Variants in BTAF1 observed in about 807,000 individuals in gnomAD.
The protein encoded by BTAF1 is TATA-binding protein-associated factor 172.
BTAF1 carries 38 observed loss-of-function variants against 227.1 expected under a neutral mutation model. That is an observed-to-expected ratio of 0.17 (90% CI 0.13 to 0.22). The LOEUF (loss-of-function observed/expected upper bound fraction) is 0.22. BTAF1 is among the 10% of genes least tolerant of loss of function. The pLI, the probability that BTAF1 is intolerant of heterozygous loss-of-function variation, is 1.00. For synonymous variants in BTAF1, 742 were observed against 751.9 expected, an observed-to-expected ratio of 0.99 and a Z score of 0.21; for missense variants, 1,598 against 2,204.0, an observed-to-expected ratio of 0.73 and a Z score of 5.51.
At chr10:92,028,656 AATTTC>A in intron 37 of BTAF1, 129 bp from the exon 38 acceptor site, 1 of 826,816 alleles carries the variant, frequency 1.2e-6, no homozygotes, top group Non-Finnish European at 1.8e-6. Flanking sequence ...GGAGATCATG[AATTTC>A]CCCATCACTT....
chr10:91,924,726 A>G (rs745868182), intron 1 of BTAF1, among the ~76,000 whole-genome samples: 47 of 152,370 alleles, frequency 3.1e-4, no homozygotes, highest in Non-Finnish European at 5.0e-4. Flanking sequence ...TTGCCTGTCA[A>G]CAGGAAAGCC....
intron 28 of BTAF1, among the ~76,000 whole-genome samples, chr10:92,009,942 C>A (rs1392198509): frequency 6.6e-6 from 1 of 152,046 alleles, no homozygotes; most frequent in Non-Finnish European, 1.5e-5. Flanking sequence ...ATTTGCTGTA[C>A]TCCTGTGTTA....
In BTAF1 at chr10:92,015,884, G is replaced by T. The variant is rs575932948; in HGVS notation, c.4585-456G>T. Reference sequence around the variant, plus strand: ...TGACATATGTTCCCCTTTTAGGCTAGCAGTAACATTCTTGTAAAATTTGGT... The same window carrying T: ...TGACATATGTTCCCCTTTTAGGCTATCAGTAACATTCTTGTAAAATTTGGT... On this transcript the variant is annotated intron_variant, in intron 32 of 37. Coordinates refer to ENST00000265990, the MANE Select transcript of BTAF1 (RefSeq NM_003972.3). Among the ~76,000 whole-genome samples, 141 of 152,260 alleles carry T rather than the reference G, an allele frequency of 9.3e-4. 2 individuals carry two copies. The South Asian group carries it at 0.028, about 30-fold the overall frequency.
rs979255641 is a variant in BTAF1, at chr10:91,923,777, C to T, written c.-300C>T. 7.8e-6 allele frequency: 3 copies of T among 386,514 alleles called. No individual in the cohort carries two copies. The highest frequency in any genetic ancestry group is 1.4e-5 in the Non-Finnish European group (3 of 216,370). 23.9% of individuals were successfully genotyped at this position (386,514 alleles called of 1,614,324 possible). ...TCCGGCGCGCTGACGCTCAGTTGTG[C>T]GTGCCGACGCCCGCGTCAGCAAAGA... On this transcript the variant is annotated 5_prime_UTR_variant, in exon 1 of 38. Coordinates refer to ENST00000265990, the MANE Select transcript of BTAF1 (RefSeq NM_003972.3).
rs971151324 is a variant in BTAF1 at position 92,030,636 on chromosome 10, CAGAT to C, written c.*1707_*1710del. Among the ~76,000 whole-genome samples the C allele has an allele frequency of 1.4e-5, 2 of 141,870 alleles. No individual in the cohort carries two copies. Among genetic ancestry groups the C allele is most frequent in the African/African-American group, 4.9e-5 (2 of 40,996 alleles). The allele number at this position is 141,870 out of a possible 152,430, so 93.1% of individuals were successfully genotyped here. On this transcript the variant is annotated 3_prime_UTR_variant, in exon 38 of 38. Transcript: ENST00000265990. The stretch of plus-strand genomic sequence containing the variant: ...AGTACTTTTTCCCAATCTGAAATGT[CAGAT>C]AGAGCTAGAAGTCAGATATTTAGGC...
chr10:92,002,647 C>T (rs1451802974), intron 25 of BTAF1, among the ~76,000 whole-genome samples: 1 of 152,102 alleles, frequency 6.6e-6, no homozygotes, highest in Non-Finnish European at 1.5e-5. Context: ...TTTCTCTTAG[C>T]AGATAAAGTT....
rs200102417 is a variant in BTAF1, at chr10:91,989,138, C to CTT, written c.2428-7_2428-6dup. On this transcript the variant is annotated splice_polypyrimidine_tract_variant and intron_variant, in intron 19 of 37. Transcript: ENST00000265990. ...TGATATGATTAATGATTTTTAATTT[C>CTT]TTTTTTTTTTAATAGGTCACTACTG... The CTT allele has an allele frequency of 1.4e-6, 2 of 1,411,700 alleles. No individual in the cohort carries two copies. The highest frequency in any genetic ancestry group is 1.9e-6 in the Non-Finnish European group (2 of 1,035,548). The allele number at this position is 1,411,700 out of a possible 1,614,324, so 87.4% of individuals were successfully genotyped here. A position where few individuals can be genotyped will look rare whatever the true frequency, so the allele number is the denominator to read the frequency against.
chr10:91,954,647 TC>T (rs1172102684), intron 6 of BTAF1, among the ~76,000 whole-genome samples: 2 of 151,838 alleles, frequency 1.3e-5, no homozygotes, highest in African/African-American at 4.8e-5. Context: ...AGCCTCAAAC[TC>T]CCAGGCTCAA....
chr10:91,991,793 G>GTATATATATATA (rs1307734990), intron 20 of BTAF1, among the ~76,000 whole-genome samples: 1 of 83,424 alleles, frequency 1.2e-5, no homozygotes, highest in African/African-American at 3.1e-5. Flanking sequence ...GTGTGTGTGT[G>GTATATATATATA]TGTGTATATA....
chr10:92,024,078 G>A (rs549607856), intron 34 of BTAF1, among the ~76,000 whole-genome samples: 5 of 152,324 alleles, frequency 3.3e-5, no homozygotes, highest in African/African-American at 1.2e-4. Context: ...TGCACTTGCT[G>A]TGTGCAAGGC....
At chr10:91,993,561 C>T in intron 21 of BTAF1, 133 bp from the exon 22 acceptor site, 1 of 690,142 alleles carries the variant, frequency 1.4e-6, no homozygotes, top group Non-Finnish European at 2.1e-6. Flanking sequence ...ACAAACATGT[C>T]TAATAATTGC....
At chr10:91,963,455 G>T (rs1273069424) in intron 12 of BTAF1, among the ~76,000 whole-genome samples, 4 of 152,020 alleles carry the variant, frequency 2.6e-5, no homozygotes, top group Non-Finnish European at 5.9e-5. Flanking sequence ...TGTAGTGATG[G>T]GGGAGTCCCC....
chr10:91,997,203 G>C (rs1462425810), intron 24 of BTAF1: 1 of 1,220,088 alleles, frequency 8.2e-7, no homozygotes, highest in South Asian at 1.3e-5. Context: ...TGATTGTCAA[G>C]ATCCTGGTGG....
chr10:92,021,990 T>C (rs1851169873), intron 34 of BTAF1, among the ~76,000 whole-genome samples: 1 of 152,210 alleles, frequency 6.6e-6, no homozygotes. Context: ...TGAAATGCTC[T>C]CTGGGGTGTC....
At chr10:91,966,854 T>G in intron 14 of BTAF1, 97 bp downstream of exon 14, 1 of 1,208,428 alleles carries the variant, frequency 8.3e-7, no homozygotes, top group South Asian at 1.7e-5. Context: ...TATCCAAAGA[T>G]CAGGACAATG....
chr10:92,027,057 A>G, intron 36 of BTAF1, 73 bp from the exon 37 acceptor site: 1 of 1,462,532 alleles, frequency 6.8e-7, no homozygotes, highest in Non-Finnish European at 9.3e-7. Context: ...GTACAAGTCT[A>G]CAAGCCCTCT....
chr10:91,982,027 G>C (rs1848099510), intron 16 of BTAF1, 56 bp from the exon 17 acceptor site: 9 of 1,544,602 alleles, frequency 5.8e-6, no homozygotes, highest in Non-Finnish European at 7.9e-6. Flanking sequence ...TTTTGTTGTT[G>C]CCTATTCAGT....
rs913312553 is a variant in BTAF1, at chr10:92,013,538, C to T, written c.4312-129C>T. 5 of 1,193,980 alleles carry T rather than the reference C, an allele frequency of 4.2e-6. No homozygotes were observed. The Admixed American group carries it at 8.3e-5, about 20-fold the overall frequency. The allele number at this position is 1,193,980 out of a possible 1,614,324, so 74.0% of individuals were successfully genotyped here. On this transcript the variant is annotated intron_variant, in intron 30 of 37. Coordinates refer to ENST00000265990, the MANE Select transcript of BTAF1 (RefSeq NM_003972.3). ...TACACACTAAAATAAAGACTTACACCATATGTCTAAAAATATAGTGATAAT... is the reference window on the plus strand; with the variant it reads ...TACACACTAAAATAAAGACTTACACTATATGTCTAAAAATATAGTGATAAT...
At chr10:92,001,288 G>T (rs1351437095) in intron 25 of BTAF1, among the ~76,000 whole-genome samples, 12 of 152,296 alleles carry the variant, frequency 7.9e-5, no homozygotes, top group Non-Finnish European at 1.5e-5. Flanking sequence ...CAGAGAGAAA[G>T]CTCCAGAGGT....
Sources: allele counts gnomAD v4.1 joint callset (sites outside exome capture counted in the v4.1 genomes callset), GRCh38; gene constraint gnomAD v4.1.1; transcripts MANE v1.5; gene names NCBI Gene and HGNC (gene_info 2026-07-23, HGNC 2026-07-21).